Variants in ACBD6 observed in about 807,000 individuals in gnomAD.
The protein encoded by ACBD6 is acyl-CoA-binding domain-containing protein 6.
Under a neutral mutation model 37.2 loss-of-function variants are expected in ACBD6, and 28 were observed. The ratio of observed to expected loss-of-function variants is 0.75; its 90% CI spans 0.56 to 1.03. The LOEUF (loss-of-function observed/expected upper bound fraction) is 1.03, where lower values mean the gene tolerates loss of function less well. ACBD6 is among the 50% of genes least tolerant of loss of function. The pLI, the probability that ACBD6 is intolerant of heterozygous loss-of-function variation, is 0.00. For missense variants in ACBD6, 340 were observed against 337.4 expected (o/e 1.01, Z -0.06); for synonymous variants, 113 against 126.8 (o/e 0.89, Z 0.73).
chr1:180,455,068 CA>C (rs1213354204), intron 3 of ACBD6, among the ~76,000 whole-genome samples: 6 of 152,176 alleles, frequency 3.9e-5, no homozygotes, highest in African/African-American at 1.4e-4. Flanking sequence ...GACACATGCA[CA>C]CGTATGTTTA....
chr1:180,300,137 C>G (rs530275906), intron 7 of ACBD6, among the ~76,000 whole-genome samples: 1 of 152,104 alleles, frequency 6.6e-6, no homozygotes, highest in Admixed American at 6.6e-5. Context: ...CTGTCAAGCC[C>G]AACCATAATT....
chr1:180,417,916 T>C (rs929610041), intron 4 of ACBD6, among the ~76,000 whole-genome samples: 1 of 152,162 alleles, frequency 6.6e-6, no homozygotes, highest in African/African-American at 2.4e-5. Context: ...TGGCCAGAAG[T>C]TGTTGATCTG....
chr1:180,493,038 CAGG>C (rs1194732708), intron 2 of ACBD6, among the ~76,000 whole-genome samples: 5 of 151,798 alleles, frequency 3.3e-5, no homozygotes, highest in Non-Finnish European at 5.9e-5. Context: ...CACCTGAGGT[CAGG>C]AGTTTGAGAC....
chr1:180,371,259 A>G (rs1033988183), intron 6 of ACBD6, among the ~76,000 whole-genome samples: 1 of 152,012 alleles, frequency 6.6e-6, no homozygotes, highest in African/African-American at 2.4e-5. Context: ...AGCCAATAGG[A>G]TTATATCTAA....
At chr1:180,430,316 GTATTTAAA>G (rs1648763842) in intron 3 of ACBD6, 54 bp from the exon 4 acceptor site, 1 of 1,378,226 alleles carries the variant, frequency 7.3e-7, no homozygotes, top group Admixed American at 1.7e-5. Flanking sequence ...AAAACAATAG[GTATTTAAA>G]TCAGTTACAA....
At chr1:180,292,288 T>G (rs1165449117) in intron 7 of ACBD6, among the ~76,000 whole-genome samples, 1 of 152,150 alleles carries the variant, frequency 6.6e-6, no homozygotes, top group Non-Finnish European at 1.5e-5. Flanking sequence ...CAATACTGAG[T>G]CTTTTGATCC....
chr1:180,453,862 C>A (rs1649808673), intron 3 of ACBD6, among the ~76,000 whole-genome samples: 1 of 152,110 alleles, frequency 6.6e-6, no homozygotes, highest in Admixed American at 6.6e-5. Flanking sequence ...TCAAAGAGAA[C>A]TACAAACCAC....
intron 7 of ACBD6, among the ~76,000 whole-genome samples, chr1:180,311,907 C>G (rs1007464151): frequency 6.6e-6 from 1 of 152,180 alleles, no homozygotes; most frequent in Non-Finnish European, 1.5e-5. Flanking sequence ...ATAATTTTCA[C>G]CAGTTTGACA....
At chr1:180,468,970 C>G (rs1650455329) in intron 3 of ACBD6, among the ~76,000 whole-genome samples, 1 of 152,166 alleles carries the variant, frequency 6.6e-6, no homozygotes, top group African/African-American at 2.4e-5. Flanking sequence ...AACAGAACAC[C>G]TGCTTGCCAT....
intron 1 of ACBD6, among the ~76,000 whole-genome samples, chr1:180,500,414 G>A (rs974995134): frequency 6.6e-6 from 1 of 151,994 alleles, no homozygotes; most frequent in African/African-American, 2.4e-5. Context: ...AAATGTTGGC[G>A]GGGCGTGGTG....
intron 3 of ACBD6, among the ~76,000 whole-genome samples, chr1:180,455,982 G>A (rs186460732): frequency 4.0e-4 from 61 of 152,140 alleles, no homozygotes; most frequent in Admixed American, 8.5e-4. Context: ...AGGCCAAGGC[G>A]GGCGGATCAC....
chr1:180,454,583 G>A (rs1256672039), intron 3 of ACBD6, among the ~76,000 whole-genome samples: 1 of 151,980 alleles, frequency 6.6e-6, no homozygotes, highest in Non-Finnish European at 1.5e-5. Context: ...TCAGAGTGAA[G>A]AGGCAGTCTA....
chr1:180,371,020 T>C (rs1010371589), intron 6 of ACBD6, among the ~76,000 whole-genome samples: 1 of 152,076 alleles, frequency 6.6e-6, no homozygotes, highest in Admixed American at 6.6e-5. Context: ...TAAAATGCCT[T>C]AATTTTTTTC....
In ACBD6 at chr1:180,455,270, A is replaced by G. The variant is rs564204571; in HGVS notation, c.385-25008T>C. On this transcript the variant is annotated intron_variant, in intron 3 of 7. Transcript: ENST00000367595. ...ATCATTCTCAGCAAACTAACACAGG[A>G]ACAGAAAACCAAACACCACATATTC... is the stretch of plus-strand genomic sequence containing the variant. 3.3e-5 allele frequency among the ~76,000 whole-genome samples: 5 copies of G among 152,244 alleles called. No individual in the cohort carries two copies. In the South Asian group the frequency reaches 1.0e-3, roughly 32 times the overall value.
chr1:180,329,795 C>T (rs1351559021), intron 6 of ACBD6, among the ~76,000 whole-genome samples: 1 of 152,132 alleles, frequency 6.6e-6, no homozygotes, highest in Non-Finnish European at 1.5e-5. Context: ...GCCTTCTTGC[C>T]TCTCTACCAG....
chr1:180,495,325 G>C (rs1651689917), intron 2 of ACBD6, 136 bp downstream of exon 2: 1 of 584,474 alleles, frequency 1.7e-6, no homozygotes, highest in African/African-American at 1.9e-5. Context: ...TCTCCCAATT[G>C]CCTGTCATTA....
rs950117653 is a variant in ACBD6, at chr1:180,389,930, A to C, written c.663+7586T>G. Reference sequence around the variant, plus strand: ...CTTTGTCAGATGAGTAGGTTGCGAAAATTTTCTCCCATTTTGTAGGTTGCC... The same window carrying C: ...CTTTGTCAGATGAGTAGGTTGCGAACATTTTCTCCCATTTTGTAGGTTGCC... On this transcript the variant is annotated intron_variant, in intron 6 of 7. Transcript: ENST00000367595. Among the ~76,000 whole-genome samples the C allele has an allele frequency of 5.6e-4, 85 of 151,916 alleles. No individual in the cohort carries two copies. The South Asian group carries it at 0.016, about 29-fold the overall frequency.
At chr1:180,434,365 C>A (rs1648936470) in intron 3 of ACBD6, among the ~76,000 whole-genome samples, 1 of 152,172 alleles carries the variant, frequency 6.6e-6, no homozygotes. Flanking sequence ...AATGGCCCTG[C>A]AAAGCCATCT....
intron 6 of ACBD6, among the ~76,000 whole-genome samples, chr1:180,395,266 T>G (rs1654215667): frequency 6.6e-6 from 1 of 152,124 alleles, no homozygotes; most frequent in East Asian, 1.9e-4. Context: ...TGTTAGATAT[T>G]GTGCGTTTGA....
Sources: gnomAD v4.1 joint callset for allele counts (sites outside exome capture counted in the v4.1 genomes callset) on GRCh38, gnomAD v4.1.1 for gene constraint, MANE v1.5 for transcripts, NCBI Gene and HGNC (gene_info 2026-07-23, HGNC 2026-07-21) for gene names.